The following GPR50 variants were observed in gnomAD, a reference collection of about 807,000 sequenced individuals.
GPR50 encodes melatonin-related receptor.
A neutral mutation model predicts 2.6 loss-of-function variants in GPR50; 1 was observed. The ratio of observed to expected loss-of-function variants is 0.38; its 90% confidence interval spans 0.13 to 1.79. The LOEUF (loss-of-function observed/expected upper bound fraction) is 1.79, where lower values mean the gene tolerates loss of function less well. GPR50 is among the 40% of genes most tolerant of loss of function. GPR50 has a pLI of 0.33. For synonymous variants in GPR50, 233 were observed against 202.3 expected, an observed-to-expected ratio of 1.15 and a Z score of -1.29; for missense variants, 535 against 522.1, an observed-to-expected ratio of 1.02 and a Z score of -0.24.
At chrX:151,181,578 G>A (rs1209519697), downstream of GPR50, 7 of 463,548 alleles carry the variant, frequency 1.5e-5, no homozygotes, top group East Asian at 7.1e-5. Flanking sequence ...CCTTTCAGGC[G>A]TACTCATCCT....
chrX:151,179,623 A>C (rs2048699787), intron 1 of GPR50, 148 bp from the exon 2 acceptor site: 1 of 454,637 alleles, frequency 2.2e-6, no homozygotes, highest in Admixed American at 3.3e-5. Context: ...CTTCTTTCTC[A>C]GAGCATTTCT....
Position 151,180,712 on chromosome X carries a change from G to A in GPR50, c.1129G>A (p.Gly377Ser). Residue 377 changes from glycine to serine, a missense_variant, in exon 2 of 2, where the codon GGC becomes AGC. Coordinates refer to ENST00000218316, the MANE Select transcript of GPR50 (RefSeq NM_004224.3). ...NVPLPGDAAAGHPDRASGHPK... is the reference protein window; with the variant it reads ...NVPLPGDAAASHPDRASGHPK... ...TCCATTACCTGGTGATGCTGCAGCT[G>A]GCCACCCCGACCGTGCCTCTGGCCA... The A allele has an allele frequency of 8.3e-7, 1 of 1,211,058 alleles. No individual in the cohort carries two copies. Among genetic ancestry groups the A allele is most frequent in the Non-Finnish European group, 1.1e-6 (1 of 895,207 alleles).
Position 151,180,054 on chromosome X carries a change from C to T in GPR50, c.471C>T (p.Val157=). The part of the protein sequence containing the change: ...IYLVITWIMT[V]LAVLPNMYIG... ...TGGTCATCACCTGGATCATGACCGT[C>T]CTGGCTGTCCTGCCCAACATGTACA... Residue 157 remains valine (V), a synonymous_variant, in exon 2 of 2, where the codon GTC becomes GTT. Transcript: ENST00000218316. The T allele has an allele frequency of 8.3e-7, 1 of 1,211,578 alleles. No individual in the cohort carries two copies. The highest frequency in any genetic ancestry group is 1.1e-6 in the Non-Finnish European group (1 of 895,296).
At position 151,176,984 on chromosome X, in the gene GPR50, G is replaced by A. The variant is rs1478449689; in HGVS notation, c.187+76G>A. 8.8e-6 allele frequency: 6 copies of A among 680,245 alleles called. No individual in the cohort carries two copies. The South Asian group carries it at 1.3e-4, about 15-fold the overall frequency. 56.1% of individuals were successfully genotyped at this position (680,245 alleles called of 1,213,427 possible). A position where few individuals can be genotyped will look rare whatever the true frequency, so the allele number is the denominator to read the frequency against. The stretch of plus-strand genomic sequence containing the variant: ...TAGGGCGTTAGTTTTTGAGCTCCCC[G>A]AATAGAGAATCTATGGACAGTGCCC... On this transcript the variant is annotated intron_variant, in intron 1 of 1. Transcript: ENST00000218316.
chrX:151,177,041 C>A (rs1602726134), intron 1 of GPR50, 133 bp downstream of exon 1: 1 of 478,067 alleles, frequency 2.1e-6, no homozygotes, highest in East Asian at 3.6e-5. Context: ...CCAAATTCCC[C>A]GCAAGCCTGG....
chrX:151,182,166 G>C (rs771095451), downstream of GPR50, among the ~76,000 whole-genome samples: 2 of 112,010 alleles, frequency 1.8e-5, no homozygotes, highest in Admixed American at 9.4e-5. Context: ...GCTTTTTATA[G>C]TCAAACATGG....
Position 151,179,815 on chromosome X carries a change from G to A in GPR50, c.232G>A (p.Ala78Thr), listed in dbSNP as rs757426689. ...TCTCTCTGTGGCCGATATGCTGGTG[G>A]CCATCTACCCATACCCTTTGATGCT... The part of the protein sequence containing the change: ...VSLSVADMLV[A>T]IYPYPLMLHA... The change falls in exon 2 of 2, where the codon GCC (alanine) becomes ACC (threonine). Residue 78 changes from alanine (A) to threonine (T), a missense_variant. Transcript: ENST00000218316. The A allele has an allele frequency of 5.9e-6, 7 of 1,194,777 alleles. No homozygotes were observed. Among genetic ancestry groups the A allele is most frequent in the Non-Finnish European group, 7.9e-6 (7 of 884,741 alleles).
chrX:151,180,926 C>T lies in GPR50; in HGVS notation c.1343C>T (p.Ala448Val). The change falls in exon 2 of 2, where the codon GCT (alanine) becomes GTT (valine). Residue 448 changes from alanine to valine, a missense_variant. By Grantham distance (64) the Ala-to-Val change is moderately conservative (BLOSUM62 0). Coordinates refer to ENST00000218316, the MANE Select transcript of GPR50 (RefSeq NM_004224.3). ...AAGCCTGCCTCTGTCCATTTCAAGG[C>T]TGACTCTGTCCATTTCAAGGGTGAC... ...YPKPASVHFKADSVHFKGDSV... is the reference protein window; with the variant it reads ...YPKPASVHFKVDSVHFKGDSV... The T allele has an allele frequency of 8.3e-7, 1 of 1,211,144 alleles. No homozygotes were observed. The highest frequency in any genetic ancestry group is 1.1e-6 in the Non-Finnish European group (1 of 895,366).
At chrX:151,181,956 G>C (rs1336655520), downstream of GPR50, among the ~76,000 whole-genome samples, 2 of 112,710 alleles carry the variant, frequency 1.8e-5, no homozygotes, top group Non-Finnish European at 3.7e-5. Flanking sequence ...ATAGCAGTCA[G>C]AAAAGCAGTT....
chrX:151,178,506 CT>C (rs2048693830), intron 1 of GPR50, among the ~76,000 whole-genome samples: 3 of 111,974 alleles, frequency 2.7e-5, no homozygotes, highest in Non-Finnish European at 5.6e-5. Context: ...CAAATAAAGG[CT>C]TTTATGGTTG....
In GPR50 at chrX:151,181,229, C is replaced by T; in HGVS notation, c.1646C>T (p.Ala549Val). 3 of 1,210,060 alleles carry T rather than the reference C, an allele frequency of 2.5e-6. No individual in the cohort carries two copies. The highest frequency in any genetic ancestry group is 3.4e-6 in the Non-Finnish European group (3 of 894,121). ...LSASHCPEIP[A>V]IAHPVSDDSD... ...GCCTCCCATTGCCCCGAGATCCCTG[C>T]CATTGCCCACCCTGTGTCTGACGAC... Residue 549 changes from alanine (A) to valine (V), a missense_variant, in exon 2 of 2, where the codon GCC becomes GTC. By Grantham distance (64) the Ala-to-Val change is moderately conservative. Coordinates refer to ENST00000218316, the MANE Select transcript of GPR50 (RefSeq NM_004224.3).
At chrX:151,179,633 T>A (rs139183469) in intron 1 of GPR50, 138 bp from the exon 2 acceptor site, 1 of 468,731 alleles carries the variant, frequency 2.1e-6, no homozygotes, top group Non-Finnish European at 3.6e-6. Context: ...AGAGCATTTC[T>A]TTAAAAGAAT....
chrX:151,177,509 G>T (rs2048687046), intron 1 of GPR50: 2 of 112,561 alleles, frequency 1.8e-5, no homozygotes, highest in Non-Finnish European at 3.8e-5. Context: ...ATCGAGCAGG[G>T]AGGTCTGAGC....
At chrX:151,178,998 T>A (rs1268476473) in intron 1 of GPR50, among the ~76,000 whole-genome samples, 1 of 111,964 alleles carries the variant, frequency 8.9e-6, no homozygotes, top group Admixed American at 9.4e-5. Flanking sequence ...GGACGCGGCA[T>A]GTAACTGAAA....
chrX:151,182,042 A>G (rs1419624073), downstream of GPR50, among the ~76,000 whole-genome samples: 1 of 112,854 alleles, frequency 8.9e-6, no homozygotes, highest in Non-Finnish European at 1.9e-5. Context: ...TGAAGAATAC[A>G]ATTTGATAAG....
chrX:151,182,094 G>A (rs751947319), downstream of GPR50, among the ~76,000 whole-genome samples: 47 of 112,494 alleles, frequency 4.2e-4, no homozygotes, highest in African/African-American at 1.2e-3. Context: ...GAGATCAAAT[G>A]GCAAAAGGAA....
chrX:151,176,769 T>C lies in GPR50; in HGVS notation c.48T>C (p.Cys16=). 8.3e-7 allele frequency: 1 copy of C among 1,205,323 alleles called. No homozygotes were observed. The highest frequency in any genetic ancestry group is 1.1e-6 in the Non-Finnish European group (1 of 890,837). ...CCACCCCCTATGGCTGTATTGGCTG[T>C]AAGCTACCCCAGCCAGAATACCCAC... ...AVPTPYGCIG[C]KLPQPEYPPA... is the part of the protein sequence containing the mutation. Residue 16 remains cysteine (C), a synonymous_variant, in exon 1 of 2, where the codon TGT becomes TGC. Coordinates refer to ENST00000218316, the MANE Select transcript of GPR50 (RefSeq NM_004224.3).
chrX:151,180,381 G>C lies in GPR50; in HGVS notation c.798G>C (p.Glu266Asp), dbSNP rs899987604. ...LTVLVAVSPK[E>D]MAGKIPNWLY... ...TCTTGGTGGCTGTCAGTCCGAAGGA[G>C]ATGGCAGGCAAGATCCCCAACTGGC... Residue 266 changes from glutamate to aspartate, a missense_variant, in exon 2 of 2, where the codon GAG becomes GAC. Glu to Asp is a conservative substitution (Grantham distance 45). Transcript: ENST00000218316. The C allele has an allele frequency of 2.7e-5, 33 of 1,208,991 alleles. No homozygotes were observed. The highest frequency in any genetic ancestry group is 3.6e-5 in the Non-Finnish European group (32 of 894,787).
At chrX:151,177,203 G>A (rs2048684745) in intron 1 of GPR50, among the ~76,000 whole-genome samples, 2 of 112,694 alleles carry the variant, frequency 1.8e-5, no homozygotes, top group Admixed American at 1.8e-4. Flanking sequence ...GATGCGGAGG[G>A]AGCCGGCACC....
Sources: allele counts gnomAD v4.1 joint callset (sites outside exome capture counted in the v4.1 genomes callset), GRCh38; gene constraint gnomAD v4.1.1; transcripts MANE v1.5; gene names NCBI Gene and HGNC (gene_info 2026-07-23, HGNC 2026-07-21).